The following RORA variants were observed in gnomAD, a reference collection of about 807,000 sequenced individuals.
The protein encoded by RORA is RAR related orphan receptor A.
A neutral mutation model predicts 69.5 loss-of-function variants in RORA; 7 were observed. The observed-to-expected ratio is 0.10, with a 90% CI of 0.06 to 0.19. RORA has a LOEUF of 0.19. Ranked by LOEUF, RORA falls within the 10% of genes least tolerant of loss-of-function variation. RORA has a pLI of 1.00. For missense variants in RORA, 457 were observed against 663.0 expected, an observed-to-expected ratio of 0.69 and a Z score of 3.41; for synonymous variants, 261 against 240.8, an observed-to-expected ratio of 1.08 and a Z score of -0.78.
At chr15:61,101,197 C>T (rs1282012860) in intron 1 of RORA, among the ~76,000 whole-genome samples, 1 of 152,204 alleles carries the variant, frequency 6.6e-6, no homozygotes. Context: ...ATACGGAAGA[C>T]ATCCAGATGA....
chr15:61,133,535 A>G (rs1167439293), intron 1 of RORA, among the ~76,000 whole-genome samples: 1 of 152,208 alleles, frequency 6.6e-6, no homozygotes, highest in African/African-American at 2.4e-5. Flanking sequence ...TGATCAGAGA[A>G]TGAGGTCCGC....
chr15:60,778,846 T>C (rs2072211661), intron 1 of RORA, among the ~76,000 whole-genome samples: 2 of 152,150 alleles, frequency 1.3e-5, no homozygotes, highest in Non-Finnish European at 2.9e-5. Context: ...GGAATTTGCA[T>C]TAATCTGATT....
At chr15:61,144,116 C>A (rs1322829346) in intron 1 of RORA, among the ~76,000 whole-genome samples, 4 of 152,164 alleles carry the variant, frequency 2.6e-5, no homozygotes, top group Non-Finnish European at 5.9e-5. Context: ...TTGTCCTCTA[C>A]TGGGCTCCCT....
At chr15:61,111,885 C>T (rs1270238343) in intron 1 of RORA, among the ~76,000 whole-genome samples, 1 of 152,210 alleles carries the variant, frequency 6.6e-6, no homozygotes, top group Non-Finnish European at 1.5e-5. Context: ...AGTCAATCAT[C>T]TATTCATTCA....
chr15:61,029,094 T>C (rs1195838219), intron 1 of RORA, among the ~76,000 whole-genome samples: 1 of 151,842 alleles, frequency 6.6e-6, no homozygotes. Context: ...GTGAATATAT[T>C]AAAAACACTG....
chr15:60,597,591 T>C (rs1159960069), intron 2 of RORA, among the ~76,000 whole-genome samples: 2 of 24,660 alleles, frequency 8.1e-5, no homozygotes, highest in South Asian at 2.2e-3. Context: ...TATATATATA[T>C]ATACACATAT....
chr15:60,796,708 A>G (rs1444716778), intron 1 of RORA, among the ~76,000 whole-genome samples: 1 of 152,154 alleles, frequency 6.6e-6, no homozygotes, highest in Non-Finnish European at 1.5e-5. Context: ...ACTCAAAGAA[A>G]GTGTTCAAAG....
rs149962470 is a variant in RORA, at chr15:60,773,450, C to T, written c.167-94764G>A. Among the ~76,000 whole-genome samples, 799 of 152,138 alleles carry T rather than the reference C, an allele frequency of 5.3e-3. 1 individual carries two copies. The highest frequency in any genetic ancestry group is 0.017 in the African/African-American group (696 of 41,502). On this transcript the variant is annotated intron_variant, in intron 1 of 10. Transcript: ENST00000335670. ...TCCCGAGAATGGGAATAATTTCTTA[C>T]GCAATCACAGCTGAGTTATGAACTT...
chr15:61,053,486 C>T (rs1014008124), intron 1 of RORA, among the ~76,000 whole-genome samples: 4 of 151,990 alleles, frequency 2.6e-5, no homozygotes, highest in Non-Finnish European at 5.9e-5. Context: ...TACAGTTTCA[C>T]GATGATTTCC....
At chr15:60,533,538 A>G (rs748028907) in intron 2 of RORA, among the ~76,000 whole-genome samples, 2 of 152,230 alleles carry the variant, frequency 1.3e-5, no homozygotes, top group Non-Finnish European at 2.9e-5. Context: ...TCCTTCCATT[A>G]TGTTTAATAT....
chr15:61,033,358 T>C (rs971252314), intron 1 of RORA, among the ~76,000 whole-genome samples: 1 of 151,068 alleles, frequency 6.6e-6, no homozygotes, highest in Non-Finnish European at 1.5e-5. Flanking sequence ...TCCAGTTCAG[T>C]CCTCACTTGC....
At chr15:60,926,003 A>G (rs571835049) in intron 1 of RORA, among the ~76,000 whole-genome samples, 3 of 152,330 alleles carry the variant, frequency 2.0e-5, no homozygotes, top group African/African-American at 7.2e-5. Flanking sequence ...ACATGATTGG[A>G]GGCACCCCTG....
At chr15:60,836,049 T>C (rs756202285) in intron 1 of RORA, among the ~76,000 whole-genome samples, 4 of 152,228 alleles carry the variant, frequency 2.6e-5, no homozygotes, top group Non-Finnish European at 5.9e-5. Flanking sequence ...TGTCCACCAG[T>C]GACAGGCATA....
At chr15:61,181,658 G>A (rs2079686936) in intron 1 of RORA, among the ~76,000 whole-genome samples, 1 of 116,274 alleles carries the variant, frequency 8.6e-6, no homozygotes, top group South Asian at 3.1e-4. Flanking sequence ...AAAAAAAAGT[G>A]TATGCCTAGG....
intron 1 of RORA, among the ~76,000 whole-genome samples, chr15:60,827,300 C>T (rs561423189): frequency 2.0e-5 from 3 of 152,268 alleles, no homozygotes; most frequent in East Asian, 1.9e-4. Flanking sequence ...GCTTTCCAAA[C>T]GTAAATGACT....
At chr15:60,655,425 C>T (rs185774520) in intron 2 of RORA, among the ~76,000 whole-genome samples, 2 of 152,274 alleles carry the variant, frequency 1.3e-5, no homozygotes, top group African/African-American at 4.8e-5. Context: ...CAGCACTTAG[C>T]GGCCAATTGC....
At chr15:60,947,331 A>G (rs1036818676) in intron 1 of RORA, among the ~76,000 whole-genome samples, 1 of 152,208 alleles carries the variant, frequency 6.6e-6, no homozygotes, top group Non-Finnish European at 1.5e-5. Flanking sequence ...AGGAGACTCC[A>G]TTTTGTTCTG....
intron 1 of RORA, among the ~76,000 whole-genome samples, chr15:60,781,081 A>G (rs1275506129): frequency 6.6e-6 from 1 of 152,228 alleles, no homozygotes; most frequent in African/African-American, 2.4e-5. Context: ...GGAGAGCTGC[A>G]TCTTTTGGAC....
intron 1 of RORA, among the ~76,000 whole-genome samples, chr15:60,777,082 G>A (rs2072178897): frequency 6.6e-6 from 1 of 152,144 alleles, no homozygotes; most frequent in Non-Finnish European, 1.5e-5. Context: ...ATGAATGAAT[G>A]TTATTACTCC....
Sources: gnomAD v4.1 joint callset for allele counts (sites outside exome capture counted in the v4.1 genomes callset) on GRCh38, gnomAD v4.1.1 for gene constraint, MANE v1.5 for transcripts, NCBI Gene and HGNC (gene_info 2026-07-23, HGNC 2026-07-21) for gene names.